Variants in MYL6 observed in about 807,000 individuals in gnomAD.
The protein encoded by MYL6 is myosin light polypeptide 6.
In MYL6, 20 loss-of-function variants were observed where a neutral mutation model predicts 20.3. The observed-to-expected ratio is 0.98, with a 90% CI of 0.69 to 1.43. The LOEUF is 1.43. Ranked by LOEUF, MYL6 falls within the 40% of genes most tolerant of loss-of-function variation. The pLI is 0.00. For missense variants in MYL6, 164 were observed against 191.0 expected (o/e 0.86, Z 0.83); for synonymous variants, 77 against 72.4 (o/e 1.06, Z -0.32).
intron 1 of MYL6, 91 bp downstream of exon 1, chr12:56,158,495 CA>C: frequency 6.3e-7 from 1 of 1,585,770 alleles, no homozygotes. Context: ...GGGTAGGAGG[CA>C]AAGGGAATCT....
At chr12:56,158,768 C>G in intron 2 of MYL6, 57 bp downstream of exon 2, 1 of 1,603,274 alleles carries the variant, frequency 6.2e-7, no homozygotes, top group Non-Finnish European at 8.5e-7. Context: ...CACCCTCCCC[C>G]CAGCACCTAT....
In MYL6 at chr12:56,158,721, CTCTG is replaced by C; in HGVS notation, c.31+11_31+14del. 3.1e-6 allele frequency: 5 copies of C among 1,614,088 alleles called. No homozygotes were observed. The East Asian group carries it at 1.1e-4, about 36-fold the overall frequency. ...GAAGACCAGACCGCAGGTAGGTTAT[CTCTG>C]ATCCCTACCGAGGTCACCCTTAGGG... On this transcript the variant is annotated intron_variant, in intron 2 of 6. Coordinates refer to ENST00000550697, the MANE Select transcript of MYL6 (RefSeq NM_021019.5).
At position 56,158,365 on chromosome 12, in the gene MYL6, A is replaced by C. The variant is rs1269514127; in HGVS notation, c.-37A>C. 1 of 1,516,218 alleles carries C rather than the reference A, an allele frequency of 6.6e-7. No homozygotes were observed. The highest frequency in any genetic ancestry group is 8.8e-7 in the Non-Finnish European group (1 of 1,134,980). The allele number at this position is 1,516,218 out of a possible 1,614,324, so 93.9% of individuals were successfully genotyped here. On this transcript the variant is annotated 5_prime_UTR_variant, in exon 1 of 7. Coordinates refer to ENST00000550697, the MANE Select transcript of MYL6 (RefSeq NM_021019.5). ...GGTTGGGCCGAGAGTCGGAGCCATT[A>C]CTGCAGGAAAAGGTCCCGGAGAGCT...
chr12:56,158,955 T>C, intron 2 of MYL6: 1 of 1,399,508 alleles, frequency 7.1e-7, no homozygotes, highest in Non-Finnish European at 9.2e-7. Flanking sequence ...GTGAAAAAAC[T>C]TGGTCACTTA....
intron 1 of MYL6, 45 bp downstream of exon 1, chr12:56,158,449 G>A (rs1289889996): frequency 6.4e-7 from 1 of 1,553,138 alleles, no homozygotes; most frequent in Admixed American, 1.9e-5. Context: ...GGGACGAGAG[G>A]CAGGAAGAGA....
chr12:56,160,218 A>G (rs1871655692), intron 4 of MYL6, 25 bp from the exon 5 acceptor site: 3 of 1,614,052 alleles, frequency 1.9e-6, no homozygotes, highest in East Asian at 4.5e-5. Context: ...ACCCAATTCC[A>G]AAAATGCTTT....
In MYL6 at chr12:56,160,649, G is replaced by T; in HGVS notation, c.451G>T (p.Gly151Trp). 1.2e-6 allele frequency: 2 copies of T among 1,614,154 alleles called. No individual in the cohort carries two copies. Among genetic ancestry groups the T allele is most frequent in the Non-Finnish European group, 1.7e-6 (2 of 1,180,006 alleles). ...AGCGTTTGTGAGGCATATCCTGTCG[G>T]GGTGACGGGCCCATGGGGCGGGTAC... is the stretch of plus-strand genomic sequence containing the variant. The part of the protein sequence containing the change: ...YEAFVRHILS[G>W] Residue 151 changes from glycine to tryptophan, a missense_variant, in exon 6 of 7, where the codon GGG becomes TGG. Coordinates refer to ENST00000550697, the MANE Select transcript of MYL6 (RefSeq NM_021019.5).
intron 2 of MYL6, chr12:56,159,342 C>G: frequency 2.1e-6 from 1 of 479,852 alleles, no homozygotes; most frequent in East Asian, 3.7e-5. Flanking sequence ...ATTGGCAGGC[C>G]TGCCGCAGGC....
rs1297450675 is a variant in MYL6 at position 56,160,289 on chromosome 12, T to C, written c.396T>C (p.His132=). Residue 132 remains histidine, a synonymous_variant, in exon 5 of 7, where the codon CAT becomes CAC. Coordinates refer to ENST00000550697, the MANE Select transcript of MYL6 (RefSeq NM_021019.5). ...EEEVEMLVAG[H]EDSNGCINYE... ...AAGTAGAGATGCTGGTGGCAGGGCA[T>C]GAGGACAGCAATGGTTGTATCAACT... The C allele has an allele frequency of 1.2e-6, 2 of 1,614,104 alleles. No homozygotes were observed. The highest frequency in any genetic ancestry group is 1.1e-5 in the South Asian group (1 of 91,092).
chr12:56,161,119 T>A (rs939269063), intron 6 of MYL6: 9 of 594,028 alleles, frequency 1.5e-5, no homozygotes, highest in Non-Finnish European at 2.4e-5. Flanking sequence ...TGGCTGACAG[T>A]AGCTGTAGGT....
chr12:56,160,698 G>A (rs761002597), intron 6 of MYL6, 28 bp downstream of exon 6: 2 of 1,611,764 alleles, frequency 1.2e-6, no homozygotes, highest in Non-Finnish European at 1.7e-6. Flanking sequence ...CTCTCCTCTA[G>A]TTGATCTCCC....
intron 2 of MYL6, 30 bp from the exon 3 acceptor site, chr12:56,159,557 T>C: frequency 6.2e-7 from 1 of 1,609,000 alleles, no homozygotes; most frequent in Non-Finnish European, 8.5e-7. Flanking sequence ...AACCCTCAAA[T>C]CCTGTGTTGA....
At chr12:56,160,800 C>G (rs1871758904) in intron 6 of MYL6, 130 bp downstream of exon 6, 1 of 1,052,688 alleles carries the variant, frequency 9.5e-7, no homozygotes, top group East Asian at 2.4e-5. Context: ...CTGCATGGAG[C>G]TGACTAGGGA....
chr12:56,160,281 G>A lies in MYL6; in HGVS notation c.388G>A (p.Ala130Thr), dbSNP rs1871662201. Residue 130 changes from alanine (A) to threonine (T), a missense_variant, in exon 5 of 7, where the codon GCA (alanine) becomes ACA (threonine). Coordinates refer to ENST00000550697, the MANE Select transcript of MYL6 (RefSeq NM_021019.5). ...MTEEEVEMLVAGHEDSNGCIN... is the reference protein window; with the variant it reads ...MTEEEVEMLVTGHEDSNGCIN... The stretch of plus-strand genomic sequence containing the variant: ...AGAGGAAGAAGTAGAGATGCTGGTG[G>A]CAGGGCATGAGGACAGCAATGGTTG... 2.5e-6 allele frequency: 4 copies of A among 1,614,220 alleles called. No homozygotes were observed. The East Asian group carries it at 8.9e-5, about 36-fold the overall frequency.
rs1417743728 is a variant in MYL6 at position 56,161,458 on chromosome 12, G to T, written c.*88G>T. On this transcript the variant is annotated 3_prime_UTR_variant, in exon 7 of 7. Coordinates refer to ENST00000550697, the MANE Select transcript of MYL6 (RefSeq NM_021019.5). ...CCAGAGTCCGTGCCTTTCCCTGTGT[G>T]AATTTTGTATCTAGCCTAAAGTTTC... is the stretch of plus-strand genomic sequence containing the variant. The T allele has an allele frequency of 6.2e-7, 1 of 1,610,110 alleles. No individual in the cohort carries two copies. The highest frequency in any genetic ancestry group is 2.2e-5 in the East Asian group (1 of 44,870).
chr12:56,159,408 T>C (rs965331051), intron 2 of MYL6, 179 bp from the exon 3 acceptor site: 33 of 804,096 alleles, frequency 4.1e-5, no homozygotes, highest in South Asian at 1.8e-5. Flanking sequence ...GAAGCCTCTA[T>C]ATAGAACACT....
intron 1 of MYL6, 109 bp from the exon 2 acceptor site, chr12:56,158,575 G>C (rs777710224): frequency 2.5e-6 from 4 of 1,613,404 alleles, no homozygotes; most frequent in Non-Finnish European, 3.4e-6. Flanking sequence ...TCTGCAGCCT[G>C]AAACAGGAGT....
chr12:56,161,103 C>T lies in MYL6; in HGVS notation c.*17-284C>T, dbSNP rs554165197. On this transcript the variant is annotated intron_variant, in intron 6 of 6. Transcript: ENST00000550697. The stretch of plus-strand genomic sequence containing the variant: ...AACCCAAAACTCTGTCCTCTCCTCC[C>T]GCCAGTGGCTGACAGTAGCTGTAGG... 3.9e-4 allele frequency: 232 copies of T among 588,426 alleles called. 2 individuals carry two copies. In the East Asian group the frequency reaches 6.1e-3, roughly 15 times the overall value. The allele number at this position is 588,426 out of a possible 1,614,324, so 36.5% of individuals were successfully genotyped here. A position where few individuals can be genotyped will look rare whatever the true frequency, so the allele number is the denominator to read the frequency against.
intron 2 of MYL6, chr12:56,159,341 C>A: frequency 4.2e-6 from 2 of 475,436 alleles, no homozygotes; most frequent in South Asian, 3.0e-5. Context: ...GATTGGCAGG[C>A]CTGCCGCAGG....
Sources: gnomAD v4.1 joint callset for allele counts on GRCh38, gnomAD v4.1.1 for gene constraint, MANE v1.5 for transcripts, NCBI Gene and HGNC (gene_info 2026-07-23, HGNC 2026-07-21) for gene names.